Variants in TMEM184B observed in about 807,000 individuals in gnomAD.
The protein encoded by TMEM184B is transmembrane protein 184B.
A neutral mutation model predicts 41.8 loss-of-function variants in TMEM184B; 17 were observed. That is an observed-to-expected ratio of 0.41 (90% CI 0.28 to 0.61). TMEM184B has a LOEUF of 0.61. Ranked by LOEUF, TMEM184B falls within the 20% of genes least tolerant of loss-of-function variation. The pLI is 0.34. For missense variants in TMEM184B, 393 were observed against 557.8 expected, an observed-to-expected ratio of 0.70 and a Z score of 2.98; for synonymous variants, 240 against 229.5, an observed-to-expected ratio of 1.05 and a Z score of -0.41.
intron 8 of TMEM184B, chr22:38,223,501 CA>C (rs1327277201): frequency 2.0e-5 from 3 of 152,566 alleles, no homozygotes; most frequent in African/African-American, 7.2e-5. Context: ...GGTCTTCCCC[CA>C]CCAGGGAAGG....
chr22:38,230,622 A>T, intron 5 of TMEM184B, 47 bp downstream of exon 5: 1 of 1,573,592 alleles, frequency 6.4e-7, no homozygotes, highest in Non-Finnish European at 8.6e-7. Flanking sequence ...GGCCTCCCAG[A>T]CCCCGCCCTG....
intron 3 of TMEM184B, among the ~76,000 whole-genome samples, chr22:38,236,347 G>C (rs2091773220): frequency 6.6e-6 from 1 of 152,180 alleles, no homozygotes; most frequent in Admixed American, 6.5e-5. Context: ...GACTGTGCTG[G>C]GGACGAGAAG....
At position 38,225,769 on chromosome 22, in the gene TMEM184B, T is replaced by C. The variant is rs965268173; in HGVS notation, c.618-176A>G. On this transcript the variant is annotated intron_variant, in intron 6 of 8. Transcript: ENST00000361906. The surrounding 1 kb of genome is among the most constrained non-coding windows in gnomAD (Gnocchi z 4.4). ...AGCGACAGACAGGGGTGGGGGTACATGGGGTGCGCCTGCAGGCCAGACCAG... is the reference window on the plus strand; with the variant it reads ...AGCGACAGACAGGGGTGGGGGTACACGGGGTGCGCCTGCAGGCCAGACCAG... 6.6e-6 allele frequency among the ~76,000 whole-genome samples: 1 copy of C among 152,052 alleles called. No homozygotes were observed. Among genetic ancestry groups the C allele is most frequent in the Non-Finnish European group, 1.5e-5 (1 of 68,002 alleles).
chr22:38,250,684 G>A (rs955074190), intron 1 of TMEM184B, among the ~76,000 whole-genome samples: 6 of 152,174 alleles, frequency 3.9e-5, no homozygotes, highest in Non-Finnish European at 8.8e-5. Flanking sequence ...CACCTTCCAA[G>A]CAAGGTGTGG....
In TMEM184B at chr22:38,225,154, C is replaced by G. The variant is rs1285718506; in HGVS notation, c.788-175G>C. ...GGCCACAGCCTCCGGAAACCCCACT[C>G]TCCCAGCTCTTTGCCACCGAAACTG... On this transcript the variant is annotated intron_variant, in intron 7 of 8. Transcript: ENST00000361906. The surrounding 1 kb of genome is among the most constrained non-coding windows in gnomAD (Gnocchi z 4.4). Among the ~76,000 whole-genome samples the G allele has an allele frequency of 1.3e-5, 2 of 152,220 alleles. No homozygotes were observed. The highest frequency in any genetic ancestry group is 3.8e-4 in the East Asian group (2 of 5,200).
At chr22:38,240,004 G>C (rs1569030932) in intron 3 of TMEM184B, among the ~76,000 whole-genome samples, 1 of 151,992 alleles carries the variant, frequency 6.6e-6, no homozygotes, top group Non-Finnish European at 1.5e-5. Context: ...GCCCAGGCTG[G>C]AGTGCAGTGG....
chr22:38,253,065 C>T (rs1161061284), intron 1 of TMEM184B, among the ~76,000 whole-genome samples: 1 of 152,074 alleles, frequency 6.6e-6, no homozygotes, highest in African/African-American at 2.4e-5. Flanking sequence ...TGGCGTGAAC[C>T]CGGGAGGCAG....
At chr22:38,260,120 G>A (rs1429520382) in intron 1 of TMEM184B, among the ~76,000 whole-genome samples, 8 of 152,142 alleles carry the variant, frequency 5.3e-5, no homozygotes, top group African/African-American at 1.9e-4. Flanking sequence ...ATATTGGTCA[G>A]GCTGGTCTTG....
intron 1 of TMEM184B, among the ~76,000 whole-genome samples, chr22:38,254,514 C>G (rs1367483783): frequency 6.6e-6 from 1 of 151,996 alleles, no homozygotes; most frequent in South Asian, 2.1e-4. Context: ...GCAGAACAAT[C>G]GCTTGAACCC....
At chr22:38,265,765 G>A (rs1257168387) in intron 1 of TMEM184B, among the ~76,000 whole-genome samples, 1 of 152,194 alleles carries the variant, frequency 6.6e-6, no homozygotes, top group Admixed American at 6.5e-5. Flanking sequence ...ACTGACTGCT[G>A]ATGGGATCCC....
chr22:38,253,552 C>A (rs1196478043), intron 1 of TMEM184B, among the ~76,000 whole-genome samples: 1 of 152,052 alleles, frequency 6.6e-6, no homozygotes, highest in Non-Finnish European at 1.5e-5. Flanking sequence ...GCCTGGGCAA[C>A]AGAGCAAGAC....
chr22:38,261,026 A>G (rs1180555479), intron 1 of TMEM184B, among the ~76,000 whole-genome samples: 5 of 152,144 alleles, frequency 3.3e-5, no homozygotes, highest in African/African-American at 9.7e-5. Context: ...CCATCTTACC[A>G]TAACTCGCTG....
chr22:38,250,601 T>C (rs1187337289), intron 1 of TMEM184B, among the ~76,000 whole-genome samples: 1 of 152,228 alleles, frequency 6.6e-6, no homozygotes, highest in Non-Finnish European at 1.5e-5. Flanking sequence ...TCTTTGTCTA[T>C]CATCCCAAAT....
At chr22:38,242,231 G>T (rs541549102) in intron 3 of TMEM184B, among the ~76,000 whole-genome samples, 1 of 152,060 alleles carries the variant, frequency 6.6e-6, no homozygotes, top group East Asian at 1.9e-4. Context: ...ACTTTGGGAG[G>T]CCAAGGCGGG....
Position 38,219,624 on chromosome 22 carries a change from G to T in TMEM184B, c.*1845C>A, listed in dbSNP as rs73884660. The T allele has an allele frequency of 1.7e-5, 17 of 985,214 alleles. No homozygotes were observed. Among genetic ancestry groups the T allele is most frequent in the Non-Finnish European group, 2.0e-5 (17 of 829,922 alleles). 61.0% of individuals were successfully genotyped at this position (985,214 alleles called of 1,614,324 possible). A position where few individuals can be genotyped will look rare whatever the true frequency, so the allele number is the denominator to read the frequency against. ...TCCCGTCCCCACGACCCCACGGACC[G>T]CTGATTCCCTGCCACTGAGCTCCCC... On this transcript the variant is annotated 3_prime_UTR_variant, in exon 9 of 9. Transcript: ENST00000361906.
chr22:38,241,801 G>A (rs892237075), intron 3 of TMEM184B, among the ~76,000 whole-genome samples: 41 of 147,030 alleles, frequency 2.8e-4, no homozygotes, highest in Non-Finnish European at 4.5e-4. Context: ...GGAGAATGGC[G>A]TGAACCCAGG....
intron 1 of TMEM184B, among the ~76,000 whole-genome samples, chr22:38,253,529 C>A (rs2092214963): frequency 6.6e-6 from 1 of 151,996 alleles, no homozygotes; most frequent in Non-Finnish European, 1.5e-5. Context: ...TAAGATCACA[C>A]CACTGCACTC....
chr22:38,271,481 T>C (rs1052343385), intron 1 of TMEM184B, among the ~76,000 whole-genome samples: 1 of 151,972 alleles, frequency 6.6e-6, no homozygotes, highest in African/African-American at 2.4e-5. Context: ...CACAGGAAAA[T>C]ATATGTGGAA....
At chr22:38,238,383 G>A (rs1443211112) in intron 3 of TMEM184B, among the ~76,000 whole-genome samples, 3 of 151,458 alleles carry the variant, frequency 2.0e-5, no homozygotes, top group Admixed American at 6.6e-5. Flanking sequence ...GCACGACCAC[G>A]CCCAGCTAAT....
Sources: gnomAD v4.1 joint callset for allele counts (sites outside exome capture counted in the v4.1 genomes callset) on GRCh38, gnomAD v4.1.1 for gene constraint, Gnocchi (gnomAD v3.1) non-coding constraint, MANE v1.5 for transcripts, NCBI Gene and HGNC (gene_info 2026-07-23, HGNC 2026-07-21) for gene names.